HELLS: variants seen among roughly 807,000 people sequenced by gnomAD.
HELLS encodes the protein helicase, lymphoid specific, also known as lymphoid-specific helicase.
A neutral mutation model predicts 120.0 loss-of-function variants in HELLS; 32 were observed. The ratio of observed to expected loss-of-function variants is 0.27; its 90% CI spans 0.20 to 0.36. The LOEUF (loss-of-function observed/expected upper bound fraction) is 0.36, where lower values mean the gene tolerates loss of function less well. Ranked by LOEUF, HELLS falls within the 10% of genes least tolerant of loss-of-function variation. The pLI, the probability that HELLS is intolerant of heterozygous loss-of-function variation, is 1.00. For missense variants in HELLS, 650 were observed against 993.4 expected, an observed-to-expected ratio of 0.65 and a Z score of 4.65; for synonymous variants, 341 against 323.4, an observed-to-expected ratio of 1.05 and a Z score of -0.58.
rs1845591825 is a variant in HELLS at position 94,593,504 on chromosome 10, C to T, written c.1977C>T (p.His659=). Residue 659 remains histidine (H), a synonymous_variant, in exon 18 of 22, where the codon CAC becomes CAT. Coordinates refer to ENST00000348459, the MANE Select transcript of HELLS (RefSeq NM_018063.5). ...TACATCCTTTTTGCTTTTAGATGCA[C>T]AGCTTCAACACGGATCCAGAGGTGT... ...MSYSEREKNM[H]SFNTDPEVFI... is the part of the protein sequence containing the mutation. 1.9e-6 allele frequency: 3 copies of T among 1,607,166 alleles called. No individual in the cohort carries two copies. The highest frequency in any genetic ancestry group is 1.3e-5 in the African/African-American group (1 of 74,730).
intron 9 of HELLS, among the ~76,000 whole-genome samples, chr10:94,575,793 G>A (rs1024264124): frequency 2.0e-5 from 3 of 150,440 alleles, no homozygotes; most frequent in African/African-American, 7.3e-5. Flanking sequence ...GTGTGTGTGT[G>A]TGTGTGTGTG....
chr10:94,561,882 G>A (rs1287904717), intron 4 of HELLS, among the ~76,000 whole-genome samples: 1 of 151,840 alleles, frequency 6.6e-6, no homozygotes, highest in East Asian at 2.0e-4. Context: ...CATTCACAAT[G>A]AATATTCCTT....
chr10:94,545,910 G>A lies in HELLS; in HGVS notation c.-12G>A, dbSNP rs1354217770. On this transcript the variant is annotated 5_prime_UTR_variant, in exon 1 of 22. Coordinates refer to ENST00000348459, the MANE Select transcript of HELLS (RefSeq NM_018063.5). ...AGAGGAGGGGACCCGGTTCCCGGGTGAGTGTCCAGGCATGCCAGCGGAACG... is the reference window on the plus strand; with the variant it reads ...AGAGGAGGGGACCCGGTTCCCGGGTAAGTGTCCAGGCATGCCAGCGGAACG... 3.2e-6 allele frequency: 5 copies of A among 1,554,246 alleles called. No homozygotes were observed. The highest frequency in any genetic ancestry group is 4.4e-6 in the Non-Finnish European group (5 of 1,148,220).
At chr10:94,592,136 G>A (rs957437222) in intron 15 of HELLS, 93 bp from the exon 16 acceptor site, 1 of 888,978 alleles carries the variant, frequency 1.1e-6, no homozygotes, top group African/African-American at 1.7e-5. Context: ...TAAGTGACTT[G>A]GCTTTGAAAA....
chr10:94,605,072 T>TTTC (rs1846113354), downstream of HELLS, among the ~76,000 whole-genome samples: 1 of 66,824 alleles, frequency 1.5e-5, no homozygotes. Context: ...GTCTTGTGTC[T>TTTC]CCCCCCCCCC....
At position 94,601,558 on chromosome 10, in the gene HELLS, A is replaced by C. The variant is rs774405443; in HGVS notation, c.2453A>C (p.Glu818Ala). The C allele has an allele frequency of 1.9e-6, 3 of 1,579,154 alleles. No homozygotes were observed. Among genetic ancestry groups the C allele is most frequent in the East Asian group, 4.5e-5 (2 of 44,460 alleles). Residue 818 changes from glutamate (E) to alanine (A), a missense_variant, in exon 22 of 22, where the codon GAG becomes GCG. By Grantham distance (107) the Glu-to-Ala change is moderately radical (BLOSUM62 -1). Transcript: ENST00000348459. The stretch of plus-strand genomic sequence containing the variant: ...ATGAATGCTTCAGGACCAATTAAAG[A>C]GAAGATGGGGATATTCAAGATATTA... ...DQMNASGPIK[E>A]KMGIFKILEN...
intron 7 of HELLS, 84 bp from the exon 8 acceptor site, chr10:94,573,876 T>A: frequency 4.0e-6 from 3 of 751,328 alleles, no homozygotes; most frequent in Non-Finnish European, 6.8e-6. Context: ...ACTCAGTAGA[T>A]TTTGTTAGTT....
intron 9 of HELLS, 49 bp downstream of exon 9, chr10:94,574,785 A>G (rs780005748): frequency 2.1e-6 from 3 of 1,434,528 alleles, no homozygotes; most frequent in Middle Eastern, 1.8e-4. Context: ...ATGTTTTCTT[A>G]TGCTTTGTTG....
chr10:94,570,561 A>G (rs531279645), intron 6 of HELLS: 1 of 151,752 alleles, frequency 6.6e-6, no homozygotes, highest in Non-Finnish European at 1.5e-5. Context: ...TTCATCCCCT[A>G]TGCCTTCTAT....
At chr10:94,598,998 C>T (rs1319503579) in intron 21 of HELLS, among the ~76,000 whole-genome samples, 1 of 152,010 alleles carries the variant, frequency 6.6e-6, no homozygotes, top group African/African-American at 2.4e-5. Flanking sequence ...TCTGTATTCT[C>T]AATTCTGTCC....
chr10:94,546,592 G>A lies in HELLS; in HGVS notation c.153+94G>A, dbSNP rs554048848. 15 of 1,393,658 alleles carry A rather than the reference G, an allele frequency of 1.1e-5. No homozygotes were observed. In the African/African-American group the frequency reaches 1.9e-4, roughly 17 times the overall value. 86.3% of individuals were successfully genotyped at this position (1,393,658 alleles called of 1,614,324 possible). A position where few individuals can be genotyped will look rare whatever the true frequency, so the allele number is the denominator to read the frequency against. On this transcript the variant is annotated intron_variant, in intron 2 of 21. Coordinates refer to ENST00000348459, the MANE Select transcript of HELLS (RefSeq NM_018063.5). ...TTTGTGTTCTTTGCTTTCCTATTTA[G>A]TGGGCTTTTTAATAACTGAAAGAAA...
chr10:94,554,066 C>CA, intron 2 of HELLS, 60 bp from the exon 3 acceptor site: 4 of 1,413,054 alleles, frequency 2.8e-6, no homozygotes, highest in Non-Finnish European at 2.8e-6. Context: ...AACTTTATGC[C>CA]AAAAAAATTA....
chr10:94,565,287 A>T (rs1389698969), intron 6 of HELLS, among the ~76,000 whole-genome samples: 1 of 152,172 alleles, frequency 6.6e-6, no homozygotes, highest in Non-Finnish European at 1.5e-5. Context: ...GTGAGCTGAG[A>T]TGATGCCACT....
At chr10:94,550,454 G>C (rs1349699923) in intron 2 of HELLS, among the ~76,000 whole-genome samples, 1 of 151,408 alleles carries the variant, frequency 6.6e-6, no homozygotes, top group African/African-American at 2.4e-5. Context: ...AATTTTTTTT[G>C]TATTTTTAGT....
chr10:94,601,529 T>G lies in HELLS; in HGVS notation c.2424T>G (p.Asp808Glu). ...CCTGTTTTAATGTTTTTCCCTTAGA[T>G]CAAATGAATGCTTCAGGACCAATTA... ...ELLLDRSDLI[D>E]QMNASGPIKE... Residue 808 changes from aspartate to glutamate, a missense_variant and splice_region_variant, in exon 22 of 22, where the codon GAT becomes GAG. This residue lies in a region of HELLS where 90 missense variants were observed against 109.2 expected (regional missense o/e 0.82). Transcript: ENST00000348459. 5 of 1,488,088 alleles carry G rather than the reference T, an allele frequency of 3.4e-6. No individual in the cohort carries two copies. The highest frequency in any genetic ancestry group is 4.6e-6 in the Non-Finnish European group (5 of 1,075,446). The allele number at this position is 1,488,088 out of a possible 1,614,324, so 92.2% of individuals were successfully genotyped here.
chr10:94,608,697 C>T (rs1349514587), intron 9 of HELLS, among the ~76,000 whole-genome samples: 1 of 151,566 alleles, frequency 6.6e-6, no homozygotes, highest in Admixed American at 6.6e-5. Context: ...TAATTCACTG[C>T]AGCCTCCAAC....
rs558241959 is a variant in HELLS at position 94,593,561 on chromosome 10, C to T, written c.2034C>T (p.Gly678=). Residue 678 remains glycine, a synonymous_variant, in exon 18 of 22, where the codon GGC becomes GGT. Transcript: ENST00000348459. ...FIFLVSTRAG[G]LGINLTAADT... The stretch of plus-strand genomic sequence containing the variant: ...TCTTAGTGAGTACACGAGCTGGTGG[C>T]CTGGGCATTAATCTGACTGCAGCAG... 3.7e-6 allele frequency: 6 copies of T among 1,613,484 alleles called. No individual in the cohort carries two copies. In the African/African-American group the frequency reaches 6.7e-5, roughly 18 times the overall value.
chr10:94,608,509 T>C (rs1226048668), intron 9 of HELLS, among the ~76,000 whole-genome samples: 2 of 152,222 alleles, frequency 1.3e-5, no homozygotes, highest in African/African-American at 4.8e-5. Flanking sequence ...TCATGCTAAA[T>C]ACTGTCTACC....
chr10:94,576,779 G>A lies in HELLS; in HGVS notation c.1006G>A (p.Ala336Thr). The change falls in exon 10 of 22, where the codon GCC becomes ACC. Residue 336 changes from alanine to threonine, a missense_variant. By Grantham distance (58) the Ala-to-Thr change is moderately conservative. Transcript: ENST00000348459. ...HPVVITSFEI[A>T]MRDRNALQHC... ...TGTGGTAATCACGTCATTTGAAATA[G>A]CCATGAGAGACCGAAATGCGTTACA... The A allele has an allele frequency of 6.2e-7, 1 of 1,608,826 alleles. No homozygotes were observed. Among genetic ancestry groups the A allele is most frequent in the Non-Finnish European group, 8.5e-7 (1 of 1,177,824 alleles).
Sources: allele counts gnomAD v4.1 joint callset (sites outside exome capture counted in the v4.1 genomes callset), GRCh38; gene constraint gnomAD v4.1.1; regional missense constraint gnomAD v4.1.1; transcripts MANE v1.5; gene names NCBI Gene and HGNC (gene_info 2026-07-23, HGNC 2026-07-21).